The following PARD3B variants were observed in gnomAD, a reference collection of about 807,000 sequenced individuals.
PARD3B encodes par-3 family cell polarity regulator beta.
In PARD3B, 103 loss-of-function variants were observed where a neutral mutation model predicts 130.2. The ratio of observed to expected loss-of-function variants is 0.79; its 90% CI spans 0.67 to 0.93. PARD3B has a LOEUF of 0.93. Ranked by LOEUF, PARD3B falls within the 40% of genes least tolerant of loss-of-function variation. PARD3B has a pLI of 0.00. For synonymous variants in PARD3B, 583 were observed against 553.2 expected (o/e 1.05, Z -0.76); for missense variants, 1,609 against 1,499.2 (o/e 1.07, Z -1.21).
chr2:204,842,873 G>A (rs1163344772), intron 2 of PARD3B, among the ~76,000 whole-genome samples: 2 of 152,046 alleles, frequency 1.3e-5, no homozygotes, highest in Non-Finnish European at 2.9e-5. Flanking sequence ...TTTCTCGAAG[G>A]GAAGCTGAGT....
intron 18 of PARD3B, among the ~76,000 whole-genome samples, chr2:205,388,092 G>T (rs558225152): frequency 3.3e-5 from 5 of 152,148 alleles, no homozygotes; most frequent in South Asian, 2.1e-4. Context: ...TCTTTTAAAG[G>T]TATGCTCACC....
At chr2:205,009,511 A>G (rs1019199657) in intron 3 of PARD3B, among the ~76,000 whole-genome samples, 1 of 151,492 alleles carries the variant, frequency 6.6e-6, no homozygotes, top group African/African-American at 2.4e-5. Flanking sequence ...CTCTACTAAA[A>G]ATACAAAAAA....
chr2:204,804,738 A>G (rs1299593238), intron 2 of PARD3B, among the ~76,000 whole-genome samples: 6 of 152,222 alleles, frequency 3.9e-5, no homozygotes, highest in Non-Finnish European at 7.3e-5. Flanking sequence ...TTAGGTCACA[A>G]AACACGTCTT....
chr2:204,737,995 G>A (rs1373146543), intron 2 of PARD3B, among the ~76,000 whole-genome samples: 100 of 152,272 alleles, frequency 6.6e-4, no homozygotes, highest in African/African-American at 2.3e-3. Context: ...TCAAAGTCCA[G>A]TCATGTGATA....
Position 205,615,817 on chromosome 2 carries a change from A to G in PARD3B, c.*4A>G, listed in dbSNP as rs1433300691. On this transcript the variant is annotated 3_prime_UTR_variant, in exon 23 of 23. Transcript: ENST00000406610. ...CCCCATGACTGCAGCCGTATAGCTG[A>G]GTGCCACCGAGGCCAGCCCGGTCCA... 5 of 1,606,018 alleles carry G rather than the reference A, an allele frequency of 3.1e-6. No individual in the cohort carries two copies. Among genetic ancestry groups the G allele is most frequent in the Non-Finnish European group, 4.3e-6 (5 of 1,175,266 alleles).
At chr2:204,637,224 T>C (rs1484060459) in intron 1 of PARD3B, among the ~76,000 whole-genome samples, 1 of 152,166 alleles carries the variant, frequency 6.6e-6, no homozygotes, top group Non-Finnish European at 1.5e-5. Flanking sequence ...TCATTAATAC[T>C]GAAAGACAAA....
Position 205,158,303 on chromosome 2 carries a change from A to C in PARD3B, c.1435-419A>C, listed in dbSNP as rs2125712056. On this transcript the variant is annotated intron_variant, in intron 10 of 22. Coordinates refer to ENST00000406610, the MANE Select transcript of PARD3B (RefSeq NM_001302769.2). This position sits in a 1 kb window ranked among gnomAD's most constrained non-coding sequence, Gnocchi z 5.4. ...GAAATTTTAAGACGTTTCTACACTA[A>C]ACTCTGTTCCTTCATCTGTAAAGTG... Among the ~76,000 whole-genome samples, 1 of 152,232 alleles carries C rather than the reference A, an allele frequency of 6.6e-6. No homozygotes were observed. The highest frequency in any genetic ancestry group is 2.1e-4 in the South Asian group (1 of 4,814).
At chr2:204,942,470 C>G (rs1688978658) in intron 2 of PARD3B, among the ~76,000 whole-genome samples, 1 of 152,096 alleles carries the variant, frequency 6.6e-6, no homozygotes, top group Non-Finnish European at 1.5e-5. Flanking sequence ...GGACCACAAG[C>G]ATTTTTGAGA....
chr2:205,018,749 A>AAAAAAAAC (rs1559359658), intron 3 of PARD3B, among the ~76,000 whole-genome samples: 2 of 120,026 alleles, frequency 1.7e-5, no homozygotes, highest in African/African-American at 2.9e-5. Context: ...AAAAAAAAAA[A>AAAAAAAAC]AGCACGCTGA....
At chr2:205,073,959 C>T (rs777880342) in intron 4 of PARD3B, among the ~76,000 whole-genome samples, 32 of 152,272 alleles carry the variant, frequency 2.1e-4, no homozygotes, top group South Asian at 1.9e-3. Context: ...ACATATTCCT[C>T]TTTATCTTAT....
chr2:205,074,427 C>T (rs1175989836), intron 4 of PARD3B, among the ~76,000 whole-genome samples: 1 of 152,132 alleles, frequency 6.6e-6, no homozygotes, highest in Non-Finnish European at 1.5e-5. Context: ...GAAAGGAGAA[C>T]TTAATAGTAG....
chr2:205,074,402 T>C (rs1700916283), intron 4 of PARD3B, among the ~76,000 whole-genome samples: 1 of 152,218 alleles, frequency 6.6e-6, no homozygotes, highest in Non-Finnish European at 1.5e-5. Flanking sequence ...CATCTAATTC[T>C]ACCTTGATGG....
At chr2:205,608,991 C>T (rs989874926) in intron 22 of PARD3B, among the ~76,000 whole-genome samples, 4 of 152,216 alleles carry the variant, frequency 2.6e-5, no homozygotes, top group Admixed American at 2.6e-4. Context: ...AACAAGACCC[C>T]CCTCTTCTCA....
chr2:204,810,440 A>C (rs1252389381), intron 2 of PARD3B, among the ~76,000 whole-genome samples: 1 of 151,990 alleles, frequency 6.6e-6, no homozygotes, highest in East Asian at 1.9e-4. Flanking sequence ...GTTTATTGAT[A>C]GTTTTTTAAC....
At chr2:205,483,635 G>A (rs970426573) in intron 20 of PARD3B, among the ~76,000 whole-genome samples, 5 of 151,570 alleles carry the variant, frequency 3.3e-5, no homozygotes, top group African/African-American at 1.2e-4. Context: ...TAGATATTTT[G>A]GACACGGTAT....
chr2:204,954,063 T>C (rs1461421745), intron 2 of PARD3B, among the ~76,000 whole-genome samples: 1 of 152,124 alleles, frequency 6.6e-6, no homozygotes, highest in Non-Finnish European at 1.5e-5. Context: ...GTTGGTTTAA[T>C]ACACCCACAA....
At chr2:205,450,178 TATC>T (rs2048047855) in intron 20 of PARD3B, among the ~76,000 whole-genome samples, 1 of 152,190 alleles carries the variant, frequency 6.6e-6, no homozygotes, top group African/African-American at 2.4e-5. Flanking sequence ...GACTATATAT[TATC>T]AGACTGTATT....
rs2054173709 is a variant in PARD3B, at chr2:205,585,742, G to A, written c.3261-29714G>A. On this transcript the variant is annotated intron_variant, in intron 22 of 22. Transcript: ENST00000406610. This position sits in a 1 kb window ranked among gnomAD's most constrained non-coding sequence, Gnocchi z 5.4. ...TAGGGCTTTGAAGGTGGGGAATCAGGAGTCAGCTGTTTCTCCCCCACCACA... is the reference window on the plus strand; with the variant it reads ...TAGGGCTTTGAAGGTGGGGAATCAGAAGTCAGCTGTTTCTCCCCCACCACA... 6.6e-6 allele frequency among the ~76,000 whole-genome samples: 1 copy of A among 152,190 alleles called. No homozygotes were observed. Among genetic ancestry groups the A allele is most frequent in the African/African-American group, 2.4e-5 (1 of 41,454 alleles).
intron 2 of PARD3B, among the ~76,000 whole-genome samples, chr2:204,819,775 G>T (rs149948727): frequency 6.6e-6 from 1 of 152,136 alleles, no homozygotes; most frequent in Admixed American, 6.5e-5. Flanking sequence ...TGGTGATATG[G>T]AGAAGGTTGA....
Sources: allele counts gnomAD v4.1 joint callset (sites outside exome capture counted in the v4.1 genomes callset), GRCh38; gene constraint gnomAD v4.1.1; non-coding constraint Gnocchi (gnomAD v3.1); transcripts MANE v1.5; gene names NCBI Gene and HGNC (gene_info 2026-07-23, HGNC 2026-07-21).